The following ARHGAP22 variants were observed in gnomAD, a reference collection of about 807,000 sequenced individuals.
The protein encoded by ARHGAP22 is Rho GTPase activating protein 22.
In ARHGAP22, 48 loss-of-function variants were observed where a neutral mutation model predicts 59.1. The observed-to-expected ratio is 0.81, with a 90% CI of 0.64 to 1.03. ARHGAP22 has a LOEUF of 1.03. Ranked by LOEUF, ARHGAP22 falls within the 50% of genes least tolerant of loss-of-function variation. ARHGAP22 has a pLI of 0.00. For synonymous variants in ARHGAP22, 445 were observed against 416.4 expected, an observed-to-expected ratio of 1.07 and a Z score of -0.84; for missense variants, 1,015 against 958.7, an observed-to-expected ratio of 1.06 and a Z score of -0.78.
At chr10:48,456,556 T>G (rs2046533488) in intron 5 of ARHGAP22, among the ~76,000 whole-genome samples, 1 of 152,064 alleles carries the variant, frequency 6.6e-6, no homozygotes. Context: ...GTGGCTTCAG[T>G]GGCAGCCTGA....
intron 1 of ARHGAP22, among the ~76,000 whole-genome samples, chr10:48,632,218 T>A (rs533567167): frequency 5.1e-4 from 77 of 152,316 alleles, no homozygotes; most frequent in African/African-American, 1.8e-3. Context: ...GAACATATGA[T>A]ATTTGCTTTT....
chr10:48,434,949 A>G, the ARHGAP22 span: 16 of 1,579,734 alleles, frequency 1.0e-5, no homozygotes, highest in East Asian at 2.4e-5. Context: ...TGTGTCTTCA[A>G]TGTCAACAGA....
chr10:48,546,409 T>A (rs2056439638), intron 3 of ARHGAP22: 1 of 153,416 alleles, frequency 6.5e-6, no homozygotes, highest in Admixed American at 6.5e-5. Context: ...CACATGGAGC[T>A]TTTACTTGGC....
chr10:48,466,217 C>T (rs1011021197), intron 4 of ARHGAP22, among the ~76,000 whole-genome samples: 19 of 151,988 alleles, frequency 1.3e-4, no homozygotes, highest in Non-Finnish European at 4.4e-5. Flanking sequence ...TCGGATCCCG[C>T]TGTGTCCCCT....
chr10:48,593,652 T>C (rs923819517), intron 1 of ARHGAP22, among the ~76,000 whole-genome samples: 9 of 152,358 alleles, frequency 5.9e-5, no homozygotes, highest in South Asian at 4.1e-4. Context: ...AGAGGATTCA[T>C]GTGCTGGGCA....
At chr10:48,644,457 C>A (rs2062205453) in intron 1 of ARHGAP22, among the ~76,000 whole-genome samples, 1 of 152,128 alleles carries the variant, frequency 6.6e-6, no homozygotes, top group Non-Finnish European at 1.5e-5. Flanking sequence ...ATAGGGCACT[C>A]CTAACAATGA....
At chr10:48,631,378 T>C (rs972947928) in intron 1 of ARHGAP22, among the ~76,000 whole-genome samples, 1 of 152,216 alleles carries the variant, frequency 6.6e-6, no homozygotes, top group African/African-American at 2.4e-5. Flanking sequence ...AGAGAATTTA[T>C]CTAATTTCTT....
chr10:48,433,413 T>C, the ARHGAP22 span, among the ~76,000 whole-genome samples: 265 of 152,352 alleles, frequency 1.7e-3, 2 homozygotes, highest in African/African-American at 5.7e-3. Context: ...TACACAGATA[T>C]ACCATACTGT....
At chr10:48,537,278 A>G (rs2055454341) in intron 3 of ARHGAP22, among the ~76,000 whole-genome samples, 1 of 152,212 alleles carries the variant, frequency 6.6e-6, no homozygotes, top group Non-Finnish European at 1.5e-5. Context: ...TCCTGCCACC[A>G]GGATTTGTGG....
Position 48,542,470 on chromosome 10 carries a change from G to C in ARHGAP22, c.322+12993C>G, listed in dbSNP as rs1427140146. 2.0e-5 allele frequency among the ~76,000 whole-genome samples: 3 copies of C among 152,328 alleles called. No individual in the cohort carries two copies. In the East Asian group the frequency reaches 5.8e-4, roughly 29 times the overall value. On this transcript the variant is annotated intron_variant, in intron 3 of 9. Transcript: ENST00000249601. Reference sequence around the variant, plus strand: ...CCAGTGGAGCGTATGCTGAGGGCTGGGGCCCTTCTGCAGTCCTGCCTCCTG... The same window carrying C: ...CCAGTGGAGCGTATGCTGAGGGCTGCGGCCCTTCTGCAGTCCTGCCTCCTG...
intron 3 of ARHGAP22, among the ~76,000 whole-genome samples, chr10:48,529,128 T>A (rs1232113915): frequency 6.6e-6 from 1 of 152,192 alleles, no homozygotes; most frequent in African/African-American, 2.4e-5. Context: ...GAAGACATGA[T>A]GCAGCCTGTG....
chr10:48,518,974 T>C (rs975524674), intron 3 of ARHGAP22, among the ~76,000 whole-genome samples: 1 of 152,178 alleles, frequency 6.6e-6, no homozygotes, highest in African/African-American at 2.4e-5. Flanking sequence ...AGACATCCAA[T>C]GGAGGTGTCC....
chr10:48,612,272 G>C (rs1278255812), intron 1 of ARHGAP22, among the ~76,000 whole-genome samples: 2 of 152,176 alleles, frequency 1.3e-5, no homozygotes, highest in Non-Finnish European at 2.9e-5. Context: ...TAGTGGAATG[G>C]AATTTGTTTT....
At chr10:48,490,954 C>T (rs2050332368) in intron 3 of ARHGAP22, among the ~76,000 whole-genome samples, 1 of 152,224 alleles carries the variant, frequency 6.6e-6, no homozygotes, top group Non-Finnish European at 1.5e-5. Context: ...AGTAGCTTCT[C>T]CTTCAGAACA....
chr10:48,620,138 T>G (rs2061232883), intron 1 of ARHGAP22, among the ~76,000 whole-genome samples: 1 of 152,236 alleles, frequency 6.6e-6, no homozygotes, highest in Non-Finnish European at 1.5e-5. Flanking sequence ...AAAATACAGC[T>G]TTCTGGGCCA....
At chr10:48,582,528 C>T (rs2059179290) in intron 2 of ARHGAP22, among the ~76,000 whole-genome samples, 2 of 152,204 alleles carry the variant, frequency 1.3e-5, no homozygotes, top group South Asian at 4.1e-4. Flanking sequence ...CACAGAAACC[C>T]TATGCAGGAT....
At chr10:48,642,853 A>C (rs1004377269) in intron 1 of ARHGAP22, among the ~76,000 whole-genome samples, 1 of 152,242 alleles carries the variant, frequency 6.6e-6, no homozygotes, top group African/African-American at 2.4e-5. Flanking sequence ...ACAAAGGGCT[A>C]ATATCCAGAA....
chr10:48,645,565 A>C (rs1304383803), intron 1 of ARHGAP22, among the ~76,000 whole-genome samples: 1 of 152,180 alleles, frequency 6.6e-6, no homozygotes. Flanking sequence ...TAATGGATGC[A>C]GAAAAGCATC....
chr10:48,505,076 C>T (rs2051954628), intron 3 of ARHGAP22, among the ~76,000 whole-genome samples: 1 of 152,138 alleles, frequency 6.6e-6, no homozygotes, highest in African/African-American at 2.4e-5. Flanking sequence ...TTTTTTAAGA[C>T]AAAGTCTCGC....
Sources: gnomAD v4.1 joint callset for allele counts (sites outside exome capture counted in the v4.1 genomes callset) on GRCh38, gnomAD v4.1.1 for gene constraint, MANE v1.5 for transcripts, NCBI Gene and HGNC (gene_info 2026-07-23, HGNC 2026-07-21) for gene names.